Variants in ABCA2 observed in about 807,000 individuals in gnomAD.
ABCA2 encodes ATP-binding cassette sub-family A member 2.
A neutral mutation model predicts 262.8 loss-of-function variants in ABCA2; 84 were observed. That is an observed-to-expected ratio of 0.32 (90% CI 0.27 to 0.38). The LOEUF is 0.38. ABCA2 is among the 10% of genes least tolerant of loss of function. The pLI is 1.00. For synonymous variants in ABCA2, 1,696 were observed against 1,502.9 expected (o/e 1.13, Z -2.97); for missense variants, 2,662 against 3,405.9 (o/e 0.78, Z 5.44).
chr9:137,022,264 C>G, intron 6 of ABCA2, 87 bp downstream of exon 6: 1 of 1,470,744 alleles, frequency 6.8e-7, no homozygotes, highest in Non-Finnish European at 9.0e-7. Flanking sequence ...GTGACTCAGG[C>G]TGAGCATCCT....
At chr9:137,028,356 C>A, upstream of ABCA2, 1 of 841,226 alleles carries the variant, frequency 1.2e-6, no homozygotes, top group South Asian at 5.2e-5. The surrounding 1 kb of genome is among the most constrained non-coding windows in gnomAD (Gnocchi z 6.9). Flanking sequence ...CGCGCTCCGT[C>A]CGCGCCCGCC....
Position 137,008,830 on chromosome 9 carries a change from C to T in ABCA2, c.6969G>A (p.Ser2323=), listed in dbSNP as rs763492187. 51 of 1,605,254 alleles carry T rather than the reference C, an allele frequency of 3.2e-5. No homozygotes were observed. Among genetic ancestry groups the T allele is most frequent in the Admixed American group, 5.0e-5 (3 of 59,890 alleles). Residue 2323 remains serine (S), a synonymous_variant, in exon 47 of 49, where the codon TCG becomes TCA. Coordinates refer to ENST00000341511, the MANE Select transcript of ABCA2 (RefSeq NM_001606.5). ...HHTKVQYQLK[S]EHISLAQVFS... ...ACACCTGGGCCAGCGAGATGTGCTCCGACTTGAGCTGGTACTGCACCTTTG... is the reference window on the plus strand; with the variant it reads ...ACACCTGGGCCAGCGAGATGTGCTCTGACTTGAGCTGGTACTGCACCTTTG...
At position 137,018,702 on chromosome 9, in the gene ABCA2, C is replaced by T. The variant is rs1002071789; in HGVS notation, c.1819+17G>A. The T allele has an allele frequency of 2.3e-5, 19 of 820,124 alleles. No homozygotes were observed. Among genetic ancestry groups the T allele is most frequent in the Middle Eastern group, 5.3e-4 (1 of 1,900 alleles). 50.8% of individuals were successfully genotyped at this position (820,124 alleles called of 1,614,324 possible). Reference sequence around the variant, plus strand: ...AGGTCTGTGGGGGGCTGGGGCGGGGCGGGGAGGGCAGCTCACTGGCAAAAA... The same window carrying T: ...AGGTCTGTGGGGGGCTGGGGCGGGGTGGGGAGGGCAGCTCACTGGCAAAAA... On this transcript the variant is annotated intron_variant, in intron 13 of 48. Transcript: ENST00000341511.
intron 1 of ABCA2, among the ~76,000 whole-genome samples, chr9:137,027,165 G>C (rs968756163): frequency 6.6e-6 from 1 of 152,260 alleles, no homozygotes. Context: ...AGGGCCTTCA[G>C]AAACCTAAGC....
In ABCA2 at chr9:137,018,356, G is replaced by T. The variant is rs1446512856; in HGVS notation, c.1820-5C>A. 1.9e-6 allele frequency: 3 copies of T among 1,591,740 alleles called. No homozygotes were observed. The highest frequency in any genetic ancestry group is 2.6e-6 in the Non-Finnish European group (3 of 1,174,060). On this transcript the variant is annotated splice_polypyrimidine_tract_variant and splice_region_variant and intron_variant, in intron 13 of 48. Transcript: ENST00000341511. ...TCCGGGTCTGGAAGATCACACCTGG[G>T]GCCGGGAGGTTGGGGCGGGGCCAAG...
rs1289175516 is a variant in ABCA2 at position 137,009,174 on chromosome 9, C to A, written c.6828-121G>T. 3 of 1,103,002 alleles carry A rather than the reference C, an allele frequency of 2.7e-6. No individual in the cohort carries two copies. The African/African-American group carries it at 4.7e-5, about 17-fold the overall frequency. The allele number at this position is 1,103,002 out of a possible 1,614,324, so 68.3% of individuals were successfully genotyped here. On this transcript the variant is annotated intron_variant, in intron 45 of 48. Coordinates refer to ENST00000341511, the MANE Select transcript of ABCA2 (RefSeq NM_001606.5). ...GGAAGCCCCATAGCCTCCCACAGCC[C>A]CCCAACCCCACAGCCCCCACAGCCC...
chr9:137,021,885 C>T lies in ABCA2; in HGVS notation c.678+6G>A, dbSNP rs1384978878. ...CCAGGCCCATCCCACACATGGATGCCCTCACCTCCATCCGGAACAGGGGAT... is the reference window on the plus strand; with the variant it reads ...CCAGGCCCATCCCACACATGGATGCTCTCACCTCCATCCGGAACAGGGGAT... On this transcript the variant is annotated splice_donor_region_variant and intron_variant, in intron 7 of 48. Transcript: ENST00000341511. This position sits in a 1 kb window ranked among gnomAD's most constrained non-coding sequence, Gnocchi z 6.0. 4.4e-6 allele frequency: 7 copies of T among 1,586,312 alleles called. No individual in the cohort carries two copies. In the South Asian group the frequency reaches 8.0e-5, roughly 18 times the overall value.
At position 137,007,510 on chromosome 9, in the gene ABCA2, G is replaced by C; in HGVS notation, c.*419C>G. The stretch of plus-strand genomic sequence containing the variant: ...CTCAAAGCAAAATAAATACGGGACT[G>C]ACCCAGCTCCGCCCACAGCCCGCTC... On this transcript the variant is annotated 3_prime_UTR_variant, in exon 49 of 49. Transcript: ENST00000341511. 4.2e-6 allele frequency: 1 copy of C among 239,868 alleles called. No individual in the cohort carries two copies. Among genetic ancestry groups the C allele is most frequent in the Non-Finnish European group, 8.4e-6 (1 of 119,492 alleles). 14.9% of individuals were successfully genotyped at this position (239,868 alleles called of 1,614,324 possible). A position where few individuals can be genotyped will look rare whatever the true frequency, so the allele number is the denominator to read the frequency against.
Position 137,016,274 on chromosome 9 carries a change from GC to G in ABCA2, c.3104+16del. ...CTGGTCAGCAGATGCCCACCGCCCT[GC>G]CCCTCCGACACTCACATGGTGGTGG... On this transcript the variant is annotated intron_variant, in intron 21 of 48. Transcript: ENST00000341511. The G allele has an allele frequency of 6.2e-7, 1 of 1,612,164 alleles. No homozygotes were observed. Among genetic ancestry groups the G allele is most frequent in the Non-Finnish European group, 8.5e-7 (1 of 1,179,660 alleles).
chr9:137,021,923 G>T lies in ABCA2; in HGVS notation c.646C>A (p.Arg216Ser), dbSNP rs759455115. ...CGGAACAGGGGATTGCCCCCTAGGC[G>T]GCTCCAGGGCTCCTGACCCTTGTGG... The part of the protein sequence containing the change: ...GLHKGQEPWS[R>S]LGGNPLFRME... Residue 216 changes from arginine to serine, a missense_variant, in exon 7 of 49, where the codon CGC becomes AGC. Physicochemically the swap from Arg to Ser is moderately radical, Grantham distance 110 (BLOSUM62 -1). Around this residue, in one of 12 missense-constraint regions of ABCA2, gnomAD observed 403 missense variants for 375.9 expected, o/e 1.07. Coordinates refer to ENST00000341511, the MANE Select transcript of ABCA2 (RefSeq NM_001606.5). This position sits in a 1 kb window ranked among gnomAD's most constrained non-coding sequence, Gnocchi z 6.0. 1 of 1,604,000 alleles carries T rather than the reference G, an allele frequency of 6.2e-7. No individual in the cohort carries two copies.
In ABCA2 at chr9:137,018,709, G is replaced by A; in HGVS notation, c.1819+10C>T. 1.9e-6 allele frequency: 3 copies of A among 1,607,442 alleles called. No individual in the cohort carries two copies. The highest frequency in any genetic ancestry group is 2.5e-6 in the Non-Finnish European group (3 of 1,178,144). ...TGGGGGGCTGGGGCGGGGCGGGGAG[G>A]GCAGCTCACTGGCAAAAACAGTGAC... is the stretch of plus-strand genomic sequence containing the variant. On this transcript the variant is annotated intron_variant, in intron 13 of 48. Transcript: ENST00000341511.
At chr9:137,026,318 C>T (rs1831652815) in intron 1 of ABCA2, among the ~76,000 whole-genome samples, 1 of 152,216 alleles carries the variant, frequency 6.6e-6, no homozygotes, top group Non-Finnish European at 1.5e-5. Context: ...TGCACCCCTG[C>T]CCCAGCAGGG....
At position 137,015,731 on chromosome 9, in the gene ABCA2, C is replaced by T. The variant is rs1300375315; in HGVS notation, c.3458G>A (p.Gly1153Asp). The T allele has an allele frequency of 6.2e-7, 1 of 1,611,894 alleles. No homozygotes were observed. The highest frequency in any genetic ancestry group is 8.5e-7 in the Non-Finnish European group (1 of 1,179,692). ...RAIILDEPTA[G>D]VDPYARRAIW... is the part of the protein sequence containing the mutation. The stretch of plus-strand genomic sequence containing the variant: ...GGCGCGGCGCGCGTAGGGGTCCACG[C>T]CCGCCGTGGGCTCGTCCAGGATGAT... Residue 1153 changes from glycine to aspartate, a missense_variant, in exon 23 of 49, where the codon GGC (glycine) becomes GAC (aspartate). By Grantham distance (94) the Gly-to-Asp change is moderately conservative (BLOSUM62 -1). Transcript: ENST00000341511.
intron 6 of ABCA2, 124 bp from the exon 7 acceptor site, chr9:137,022,125 G>A (rs1831483902): frequency 3.2e-6 from 2 of 622,776 alleles, no homozygotes; most frequent in Admixed American, 3.1e-5. Context: ...CAGAGAGTGG[G>A]GGCGTGGCTC....
rs757798725 is a variant in ABCA2, at chr9:137,011,931, G to A, written c.5448C>T (p.Ala1816=). Residue 1816 remains alanine (A), a synonymous_variant, in exon 35 of 49, where the codon GCC becomes GCT. Transcript: ENST00000341511. The surrounding 1 kb of genome is among the most constrained non-coding windows in gnomAD (Gnocchi z 8.8). Reference sequence around the variant, plus strand: ...GGTGCTTGGCCTTGGTGGACTTCTCGGCCACGAGGAAGACAACGAAGCTGG... The same window carrying A: ...GGTGCTTGGCCTTGGTGGACTTCTCAGCCACGAGGAAGACAACGAAGCTGG... ...VPASFVVFLV[A]EKSTKAKHLQ... The A allele has an allele frequency of 1.5e-5, 24 of 1,612,530 alleles. No homozygotes were observed. Among genetic ancestry groups the A allele is most frequent in the South Asian group, 2.2e-5 (2 of 91,086 alleles).
rs758748354 is a variant in ABCA2 at position 137,009,659 on chromosome 9, C to G, written c.6631-15G>C. On this transcript the variant is annotated splice_polypyrimidine_tract_variant and intron_variant, in intron 43 of 48. Coordinates refer to ENST00000341511, the MANE Select transcript of ABCA2 (RefSeq NM_001606.5). The stretch of plus-strand genomic sequence containing the variant: ...GTGGGCTCGTCCTGGGGATGGGTGG[C>G]AGGCTCAGCTGCTGCCAGGCCCACA... 2 of 1,612,592 alleles carry G rather than the reference C, an allele frequency of 1.2e-6. No homozygotes were observed. Among genetic ancestry groups the G allele is most frequent in the South Asian group, 1.1e-5 (1 of 91,076 alleles).
Position 137,014,458 on chromosome 9 carries a change from G to T in ABCA2, c.4004-54C>A, listed in dbSNP as rs12344416. On this transcript the variant is annotated intron_variant, in intron 26 of 48. Coordinates refer to ENST00000341511, the MANE Select transcript of ABCA2 (RefSeq NM_001606.5). ...CTCAGGGCTACTGGCCCCTAGGCCT[G>T]CCCAGGACCCCCATCCCCGGTCTTG... 1,444 of 1,521,166 alleles carry T rather than the reference G, an allele frequency of 9.5e-4. 16 individuals are homozygous for T. The African/African-American group carries it at 0.018, about 19-fold the overall frequency. The allele number at this position is 1,521,166 out of a possible 1,614,324, so 94.2% of individuals were successfully genotyped here.
At chr9:137,028,560 C>T (rs1048855733), upstream of ABCA2, among the ~76,000 whole-genome samples, 4 of 151,990 alleles carry the variant, frequency 2.6e-5, no homozygotes, top group African/African-American at 9.7e-5. The surrounding 1 kb of genome is among the most constrained non-coding windows in gnomAD (Gnocchi z 6.9). Flanking sequence ...CAGAGGCATC[C>T]GGCTGCGCCC....
intron 42 of ABCA2, 32 bp from the exon 43 acceptor site, chr9:137,009,935 A>T: frequency 6.3e-7 from 1 of 1,598,698 alleles, no homozygotes. Context: ...CAGTGGAGGC[A>T]GGGCCACCCA....
Sources: gnomAD v4.1 joint callset for allele counts (sites outside exome capture counted in the v4.1 genomes callset) on GRCh38, gnomAD v4.1.1 for gene constraint, gnomAD v4.1.1 regional missense constraint, Gnocchi (gnomAD v3.1) non-coding constraint, MANE v1.5 for transcripts, NCBI Gene and HGNC (gene_info 2026-07-23, HGNC 2026-07-21) for gene names.